The following CEP63 variants were observed in gnomAD, a reference collection of about 807,000 sequenced individuals.
CEP63 encodes the protein centrosomal protein 63.
In CEP63, 84 loss-of-function variants were observed where a neutral mutation model predicts 89.1. That is an observed-to-expected ratio of 0.94 (90% confidence interval 0.79 to 1.13). The LOEUF (loss-of-function observed/expected upper bound fraction) is 1.13. CEP63 is among the 50% of genes most tolerant of loss of function. The pLI is 0.00. For synonymous variants in CEP63, 267 were observed against 272.5 expected (o/e 0.98, Z 0.20); for missense variants, 838 against 813.3 (o/e 1.03, Z -0.37).
the CEP63 span, among the ~76,000 whole-genome samples, chr3:134,750,728 C>T: frequency 6.6e-6 from 1 of 152,200 alleles, no homozygotes; most frequent in Non-Finnish European, 1.5e-5. Context: ...ACTTAGCCTC[C>T]ATACCATGAG....
the CEP63 span, among the ~76,000 whole-genome samples, chr3:134,768,251 A>G: frequency 1.3e-5 from 2 of 152,164 alleles, no homozygotes. Context: ...GTGTATGGGA[A>G]TGGACTAAAG....
chr3:134,705,451 T>C, the CEP63 span, among the ~76,000 whole-genome samples: 8 of 152,190 alleles, frequency 5.3e-5, no homozygotes, highest in African/African-American at 1.9e-4. Context: ...ATAAAGGACC[T>C]GCCCCCATGA....
At chr3:134,538,284 CT>C (rs1333886542) in intron 6 of CEP63, among the ~76,000 whole-genome samples, 1 of 137,108 alleles carries the variant, frequency 7.3e-6, no homozygotes, top group Non-Finnish European at 1.5e-5. Context: ...AATGCATTAA[CT>C]TTTTGTTCGT....
the CEP63 span, among the ~76,000 whole-genome samples, chr3:134,695,750 C>G: frequency 0.058 from 8,879 of 152,300 alleles, 461 homozygotes; most frequent in South Asian, 0.29. Context: ...GGCATGATGG[C>G]CCGAGCACTG....
At chr3:134,526,674 C>T (rs562531245) in intron 3 of CEP63, among the ~76,000 whole-genome samples, 5 of 152,124 alleles carry the variant, frequency 3.3e-5, no homozygotes, top group East Asian at 1.9e-4. Flanking sequence ...AAGGAAGATA[C>T]TCTGGCTTTT....
the CEP63 span, chr3:134,619,220 T>G: frequency 6.2e-7 from 1 of 1,613,992 alleles, no homozygotes; most frequent in Non-Finnish European, 8.5e-7. Flanking sequence ...GTCAGTGGGT[T>G]TGAAGGCTTG....
chr3:134,547,123 C>T (rs1244340814), intron 8 of CEP63, among the ~76,000 whole-genome samples: 1 of 151,876 alleles, frequency 6.6e-6, no homozygotes, highest in African/African-American at 2.4e-5. Flanking sequence ...AGGCCAAATC[C>T]CAGTTAAGAA....
chr3:134,557,992 G>A, intron 12 of CEP63, 150 bp from the exon 13 acceptor site: 1 of 673,070 alleles, frequency 1.5e-6, no homozygotes, highest in Admixed American at 2.7e-5. Flanking sequence ...CTTTATCTCT[G>A]TTAGTCTTAG....
the CEP63 span, among the ~76,000 whole-genome samples, chr3:134,622,853 G>A: frequency 2.6e-5 from 4 of 152,050 alleles, no homozygotes; most frequent in African/African-American, 9.7e-5. Context: ...CCAGCTTGAG[G>A]GTACTCCAGG....
chr3:134,719,726 G>A, the CEP63 span, among the ~76,000 whole-genome samples: 1 of 152,188 alleles, frequency 6.6e-6, no homozygotes, highest in East Asian at 1.9e-4. Flanking sequence ...GGAATCATAA[G>A]GTATGTGATC....
chr3:134,538,653 A>G (rs930906316), intron 6 of CEP63, among the ~76,000 whole-genome samples: 103 of 150,652 alleles, frequency 6.8e-4, no homozygotes, highest in Middle Eastern at 3.5e-3. Context: ...CCTGGGCTCC[A>G]GCAATCCTTC....
At chr3:134,603,318 T>TCGCCG in the CEP63 span, 1 of 387,386 alleles carries the variant, frequency 2.6e-6, no homozygotes, top group Non-Finnish European at 4.6e-6. Context: ...GGTGTACAGT[T>TCGCCG]TACAATACCT....
At chr3:134,736,299 A>G in the CEP63 span, among the ~76,000 whole-genome samples, 2 of 152,188 alleles carry the variant, frequency 1.3e-5, no homozygotes, top group Admixed American at 6.5e-5. Context: ...AGGAATGGAA[A>G]AGAATGCCCC....
At chr3:134,609,266 T>C in the CEP63 span, among the ~76,000 whole-genome samples, 1 of 152,166 alleles carries the variant, frequency 6.6e-6, no homozygotes, top group Non-Finnish European at 1.5e-5. Flanking sequence ...GCGGGGACCT[T>C]TTGTGGCTCT....
chr3:134,727,147 G>A, the CEP63 span, among the ~76,000 whole-genome samples: 1 of 152,030 alleles, frequency 6.6e-6, no homozygotes, highest in East Asian at 1.9e-4. Context: ...CCACCATCTT[G>A]GAGTTCTGCT....
the CEP63 span, among the ~76,000 whole-genome samples, chr3:134,666,944 C>T: frequency 4.6e-5 from 7 of 152,144 alleles, no homozygotes; most frequent in Non-Finnish European, 7.4e-5. Context: ...TCTGTTTTAC[C>T]GGAAAGCCCA....
chr3:134,593,234 C>A, the CEP63 span, among the ~76,000 whole-genome samples: 6 of 152,166 alleles, frequency 3.9e-5, no homozygotes, highest in Admixed American at 3.3e-4. Flanking sequence ...CCTTAGGGAA[C>A]AATACATCAG....
At chr3:134,732,621 G>A in the CEP63 span, among the ~76,000 whole-genome samples, 1 of 152,008 alleles carries the variant, frequency 6.6e-6, no homozygotes, top group Non-Finnish European at 1.5e-5. Flanking sequence ...AATGAAATAA[G>A]TAAAATAGTT....
At chr3:134,733,670 G>C in the CEP63 span, among the ~76,000 whole-genome samples, 13 of 151,930 alleles carry the variant, frequency 8.6e-5, no homozygotes, top group African/African-American at 3.2e-4. Context: ...GAAGGGTGCA[G>C]CTTCAAACCA....
Sources: gnomAD v4.1 joint callset for allele counts (sites outside exome capture counted in the v4.1 genomes callset) on GRCh38, gnomAD v4.1.1 for gene constraint, MANE v1.5 for transcripts, NCBI Gene and HGNC (gene_info 2026-07-23, HGNC 2026-07-21) for gene names.